LIPA: variants seen among roughly 807,000 people sequenced by gnomAD.
LIPA encodes lipase A, lysosomal acid type, also known as lysosomal acid lipase/cholesteryl ester hydrolase.
LIPA carries 26 observed loss-of-function variants against 40.6 expected under a neutral mutation model. The observed-to-expected ratio is 0.64, with a 90% confidence interval of 0.47 to 0.89. The LOEUF is 0.89. Ranked by LOEUF, LIPA falls within the 40% of genes least tolerant of loss-of-function variation. LIPA has a pLI of 0.00. For synonymous variants in LIPA, 188 were observed against 168.4 expected, an observed-to-expected ratio of 1.12 and a Z score of -0.90; for missense variants, 455 against 479.6, an observed-to-expected ratio of 0.95 and a Z score of 0.48.
At chr10:89,319,373 A>T (rs1367198535) in intron 1 of LIPA, among the ~76,000 whole-genome samples, 3 of 152,264 alleles carry the variant, frequency 2.0e-5, no homozygotes, top group Non-Finnish European at 4.4e-5. Context: ...AAAATGATAA[A>T]GGGGATATCA....
At chr10:89,412,244 G>A (rs1017443626) in intron 2 of LIPA, among the ~76,000 whole-genome samples, 1 of 152,186 alleles carries the variant, frequency 6.6e-6, no homozygotes, top group African/African-American at 2.4e-5. Context: ...TTCTGGGTCA[G>A]GTGGGGACTC....
chr10:89,306,684 C>A, intron 1 of LIPA: 1 of 1,614,066 alleles, frequency 6.2e-7, no homozygotes, highest in Non-Finnish European at 8.5e-7. Flanking sequence ...TTGGAGAAAG[C>A]CCCAGGTGTA....
At chr10:89,317,239 C>T (rs953811216) in intron 1 of LIPA, among the ~76,000 whole-genome samples, 1 of 152,230 alleles carries the variant, frequency 6.6e-6, no homozygotes, top group African/African-American at 2.4e-5. Context: ...GAGAAGAAGG[C>T]TGCAGACAAT....
chr10:89,384,852 G>A, intron 2 of LIPA: 1 of 952,260 alleles, frequency 1.1e-6, no homozygotes, highest in Non-Finnish European at 1.6e-6. Context: ...AGCCTTGAGA[G>A]GAATGTGGCT....
chr10:89,232,429 T>C (rs556443462), intron 3 of LIPA, among the ~76,000 whole-genome samples: 11 of 152,272 alleles, frequency 7.2e-5, no homozygotes, highest in Admixed American at 5.2e-4. Flanking sequence ...TCGTCTTCCC[T>C]CAGGATGGAG....
intron 1 of LIPA, chr10:89,306,656 A>C: frequency 6.2e-7 from 1 of 1,614,086 alleles, no homozygotes; most frequent in Non-Finnish European, 8.5e-7. Context: ...TGAAGGAGAG[A>C]AGTTAGTTGA....
At chr10:89,234,045 C>T (rs1842874974) in intron 3 of LIPA, among the ~76,000 whole-genome samples, 1 of 152,208 alleles carries the variant, frequency 6.6e-6, no homozygotes, top group Non-Finnish European at 1.5e-5. Flanking sequence ...GGCTAGAACA[C>T]CACTCAGGAA....
chr10:89,239,788 TC>T (rs554082140), intron 3 of LIPA, among the ~76,000 whole-genome samples: 112 of 152,268 alleles, frequency 7.4e-4, no homozygotes, highest in African/African-American at 2.5e-3. Flanking sequence ...TCATTCTTCC[TC>T]CTTTGGGGCC....
chr10:89,337,280 A>G (rs1843757099), intron 1 of LIPA, among the ~76,000 whole-genome samples: 1 of 152,250 alleles, frequency 6.6e-6, no homozygotes, highest in Non-Finnish European at 1.5e-5. Flanking sequence ...CTTAGTATCC[A>G]TAATATCTAA....
chr10:89,379,966 C>T (rs936063540), intron 2 of LIPA, among the ~76,000 whole-genome samples: 4 of 150,210 alleles, frequency 2.7e-5, no homozygotes, highest in East Asian at 3.9e-4. Flanking sequence ...ACCTGGGAGG[C>T]GGAGCTTGAA....
chr10:89,272,519 CAT>C (rs1355092883), intron 1 of LIPA, among the ~76,000 whole-genome samples: 2 of 152,130 alleles, frequency 1.3e-5, no homozygotes, highest in Non-Finnish European at 2.9e-5. Context: ...AGGTTGATTC[CAT>C]GTCTTTTCTA....
At chr10:89,384,575 C>T (rs1844190867) in intron 2 of LIPA, 1 of 1,614,094 alleles carries the variant, frequency 6.2e-7, no homozygotes, top group Non-Finnish European at 8.5e-7. Context: ...CTTCTCAATG[C>T]TTTAGAGAAA....
intron 2 of LIPA, chr10:89,404,622 G>A (rs1163656724): frequency 6.6e-6 from 1 of 152,256 alleles, no homozygotes; most frequent in South Asian, 2.1e-4. Context: ...CCAAGAGCCT[G>A]CTTTTGGTTG....
At chr10:89,383,068 C>T (rs571443439) in intron 2 of LIPA, among the ~76,000 whole-genome samples, 6 of 152,292 alleles carry the variant, frequency 3.9e-5, no homozygotes, top group Admixed American at 2.0e-4. Context: ...CAGAATTAAC[C>T]TCTTTTGAAT....
chr10:89,330,728 C>T (rs1564787680), intron 1 of LIPA, among the ~76,000 whole-genome samples: 1 of 137,574 alleles, frequency 7.3e-6, no homozygotes, highest in Non-Finnish European at 1.5e-5. Context: ...ATCCAGGTGT[C>T]CTGTGGTTTT....
intron 2 of LIPA, among the ~76,000 whole-genome samples, chr10:89,355,696 G>T (rs764642441): frequency 6.6e-6 from 1 of 152,126 alleles, no homozygotes; most frequent in Non-Finnish European, 1.5e-5. Context: ...AACAGGATGC[G>T]GTAAAGAAGC....
chr10:89,290,199 C>T (rs577941268), intron 1 of LIPA, among the ~76,000 whole-genome samples: 10 of 152,246 alleles, frequency 6.6e-5, no homozygotes, highest in Admixed American at 2.0e-4. Flanking sequence ...AATTCTTAGT[C>T]CTTTATTATC....
intron 1 of LIPA, among the ~76,000 whole-genome samples, chr10:89,310,676 C>T (rs577955544): frequency 6.6e-6 from 1 of 152,184 alleles, no homozygotes; most frequent in African/African-American, 2.4e-5. Flanking sequence ...GCATTCTCAG[C>T]TCTACATGGG....
intron 1 of LIPA, chr10:89,340,201 G>A: frequency 1.4e-6 from 2 of 1,480,914 alleles, no homozygotes; most frequent in Non-Finnish European, 1.8e-6. Flanking sequence ...GGAAGACAGG[G>A]GGCCCCAACC....
Sources: gnomAD v4.1 joint callset for allele counts (sites outside exome capture counted in the v4.1 genomes callset) on GRCh38, gnomAD v4.1.1 for gene constraint, MANE v1.5 for transcripts, NCBI Gene and HGNC (gene_info 2026-07-23, HGNC 2026-07-21) for gene names.